MFRP: variants seen among roughly 807,000 people sequenced by gnomAD.
MFRP encodes the protein C1q and TNF related 5.
In MFRP, 74 loss-of-function variants were observed where a neutral mutation model predicts 65.8. The ratio of observed to expected loss-of-function variants is 1.12; its 90% CI spans 0.93 to 1.36. The LOEUF is 1.36. MFRP is among the 40% of genes most tolerant of loss of function. MFRP has a pLI of 0.00. For synonymous variants in MFRP, 336 were observed against 288.3 expected (o/e 1.17, Z -1.68); for missense variants, 838 against 736.0 (o/e 1.14, Z -1.60).
chr11:119,339,471 T>G lies in MFRP; in HGVS notation c.*1488A>C, dbSNP rs2135363894. ...CACACTTGGTCCTCAGGCTCCAGCC[T>G]CACCATGGCCCCCCCCGAGAGCGAG... On this transcript the variant is annotated 3_prime_UTR_variant, in exon 15 of 15. Coordinates refer to ENST00000619721, the MANE Select transcript of MFRP (RefSeq NM_031433.4). This position sits in a 1 kb window ranked among gnomAD's most constrained non-coding sequence, Gnocchi z 5.4. The G allele has an allele frequency of 6.2e-7, 1 of 1,612,746 alleles. No homozygotes were observed. Among genetic ancestry groups the G allele is most frequent in the South Asian group, 1.1e-5 (1 of 90,958 alleles).
Position 119,345,582 on chromosome 11 carries a change from T to C in MFRP, c.479A>G (p.Tyr160Cys). 1 of 1,613,594 alleles carries C rather than the reference T, an allele frequency of 6.2e-7. No homozygotes were observed. Among genetic ancestry groups the C allele is most frequent in the Non-Finnish European group, 8.5e-7 (1 of 1,179,936 alleles). ...GGTGTTGGGGGGGTAAGGGTCTGGG[T>C]AGTTAGGGCTGCTGAAGAAGCCCCT... ...GPRGFFSSPN[Y>C]PDPYPPNTHC... Residue 160 changes from tyrosine to cysteine, a missense_variant, in exon 5 of 15, where the codon TAC (tyrosine) becomes TGC (cysteine). Transcript: ENST00000619721.
In MFRP at chr11:119,346,330, G is replaced by A; in HGVS notation, c.99C>T (p.Pro33=). ...CCTCTGGGAAAACTGGGGGAGGGCA[G>A]GGTGGCCCAGACTCAGGCTCGAAGG... The part of the protein sequence containing the change: ...NPAFEPESGP[P]CPPPVFPEDA... Residue 33 remains proline, a synonymous_variant, in exon 2 of 15, where the codon CCC becomes CCT. Coordinates refer to ENST00000619721, the MANE Select transcript of MFRP (RefSeq NM_031433.4). 6.2e-7 allele frequency: 1 copy of A among 1,614,060 alleles called. No individual in the cohort carries two copies. Among genetic ancestry groups the A allele is most frequent in the Non-Finnish European group, 8.5e-7 (1 of 1,179,998 alleles).
chr11:119,342,534 C>T, intron 11 of MFRP, 62 bp downstream of exon 11: 2 of 1,599,348 alleles, frequency 1.3e-6, no homozygotes, highest in Non-Finnish European at 1.7e-6. Context: ...TGCAGTACGG[C>T]AGTAGGGTTC....
Position 119,342,624 on chromosome 11 carries a change from G to T in MFRP, c.1359C>A (p.Asn453Lys). 6.2e-7 allele frequency: 1 copy of T among 1,613,554 alleles called. No individual in the cohort carries two copies. The highest frequency in any genetic ancestry group is 8.5e-7 in the Non-Finnish European group (1 of 1,179,922). ...GGGGTGGGAACAAGGGGCCGCTGCA[G>T]TTGTCATCGCTGCCATCGGTGCAGT... is the stretch of plus-strand genomic sequence containing the variant. Reference protein sequence around the residue: ...WRDCTDGSDDNCSGPLFPPPE... With the variant: ...WRDCTDGSDDKCSGPLFPPPE... Residue 453 changes from asparagine to lysine, a missense_variant, in exon 11 of 15, where the codon AAC becomes AAA. Transcript: ENST00000619721.
chr11:119,341,231 A>T lies in MFRP; in HGVS notation c.*317T>A. On this transcript the variant is annotated 3_prime_UTR_variant, in exon 13 of 15. Transcript: ENST00000619721. ...GTACATTTTTGTTGAATCAAGGAAAAGGTCAGAAGGCAGGCGATGGAGAAG... is the reference window on the plus strand; with the variant it reads ...GTACATTTTTGTTGAATCAAGGAAATGGTCAGAAGGCAGGCGATGGAGAAG... 2.4e-6 allele frequency: 1 copy of T among 411,572 alleles called. No homozygotes were observed. The highest frequency in any genetic ancestry group is 4.5e-6 in the Non-Finnish European group (1 of 223,484). 25.5% of individuals were successfully genotyped at this position (411,572 alleles called of 1,614,324 possible).
At chr11:119,342,793 C>T in intron 10 of MFRP, 66 bp from the exon 11 acceptor site, 1 of 1,613,064 alleles carries the variant, frequency 6.2e-7, no homozygotes, top group Non-Finnish European at 8.5e-7. Context: ...CCCAGAGTGT[C>T]CTGACCAGGG....
chr11:119,342,099 G>T, intron 11 of MFRP, 115 bp from the exon 12 acceptor site: 1 of 1,204,582 alleles, frequency 8.3e-7, no homozygotes, highest in Non-Finnish European at 1.2e-6. Flanking sequence ...GGGTGGTTGT[G>T]AGGAAGCAAG....
intron 11 of MFRP, among the ~76,000 whole-genome samples, 200 bp downstream of exon 11, chr11:119,342,396 T>G (rs1950510969): frequency 6.6e-6 from 1 of 152,158 alleles, no homozygotes; most frequent in Non-Finnish European, 1.5e-5. Context: ...CCATTTCCCT[T>G]GGGGTGACAC....
chr11:119,340,395 C>T lies in MFRP; in HGVS notation c.*899G>A. 6.5e-7 allele frequency: 1 copy of T among 1,545,120 alleles called. No homozygotes were observed. The highest frequency in any genetic ancestry group is 8.7e-7 in the Non-Finnish European group (1 of 1,146,202). ...GGAGCAGCAGGACGAGGAGTGGCCTCATAGCGCTGGCACCGGGAGCCCGGA... is the reference window on the plus strand; with the variant it reads ...GGAGCAGCAGGACGAGGAGTGGCCTTATAGCGCTGGCACCGGGAGCCCGGA... On this transcript the variant is annotated 3_prime_UTR_variant, in exon 14 of 15. Transcript: ENST00000619721.
At position 119,344,725 on chromosome 11, in the gene MFRP, G is replaced by A. The variant is rs746666402; in HGVS notation, c.805C>T (p.Gln269Ter). 5.0e-6 allele frequency: 8 copies of A among 1,613,888 alleles called. No individual in the cohort carries two copies. In the South Asian group the frequency reaches 7.7e-5, roughly 16 times the overall value. ...SCAHDEFRCD[Q>*]LICLLPDSVC... is the part of the protein sequence containing the mutation. Reference sequence around the variant, plus strand: ...GAGTCAGGTAGCAGGCAGATGAGCTGGTCACAGCGGAACTCATCATGGGCA... The same window carrying A: ...GAGTCAGGTAGCAGGCAGATGAGCTAGTCACAGCGGAACTCATCATGGGCA... Residue 269 changes from glutamine to a stop codon, truncating the protein, a stop_gained, in exon 7 of 15, where the codon CAG becomes TAG. Coordinates refer to ENST00000619721, the MANE Select transcript of MFRP (RefSeq NM_031433.4). LOFTEE classifies it high-confidence loss of function.
intron 9 of MFRP, 141 bp from the exon 10 acceptor site, chr11:119,343,144 G>C: frequency 9.6e-7 from 1 of 1,039,238 alleles, no homozygotes; most frequent in Non-Finnish European, 1.4e-6. Context: ...GGTCTGGCGA[G>C]AAAGACACAT....
chr11:119,344,464 C>G, intron 7 of MFRP, 73 bp from the exon 8 acceptor site: 2 of 1,558,454 alleles, frequency 1.3e-6, no homozygotes, highest in Non-Finnish European at 1.8e-6. Context: ...GCGGTGATTA[C>G]AGAGCGAGAG....
At position 119,340,322 on chromosome 11, in the gene MFRP, TG is replaced by T; in HGVS notation, c.*971del. On this transcript the variant is annotated 3_prime_UTR_variant, in exon 14 of 15. Transcript: ENST00000619721. ...AGGCCGGGGTGCCCCGGGCAGAGGCTGGGGATCTTGTTGTCGTCCAGTGGGG... is the reference window on the plus strand; with the variant it reads ...AGGCCGGGGTGCCCCGGGCAGAGGCTGGGATCTTGTTGTCGTCCAGTGGGG... The T allele has an allele frequency of 6.5e-7, 1 of 1,542,662 alleles. No individual in the cohort carries two copies.
Position 119,340,847 on chromosome 11 carries a change from T to G in MFRP, c.*701A>C. ...TGGTTCGCTCCCTGCCGGCTCCGCT[T>G]TCCTCCTCCCAGACTCCAAGAGGAA... On this transcript the variant is annotated 3_prime_UTR_variant, in exon 13 of 15. Coordinates refer to ENST00000619721, the MANE Select transcript of MFRP (RefSeq NM_031433.4). 1 of 187,544 alleles carries G rather than the reference T, an allele frequency of 5.3e-6. No individual in the cohort carries two copies. The highest frequency in any genetic ancestry group is 1.1e-5 in the Non-Finnish European group (1 of 91,548). 11.6% of individuals were successfully genotyped at this position (187,544 alleles called of 1,614,324 possible).
intron 13 of MFRP, 25 bp from the exon 14 acceptor site, chr11:119,340,465 C>A: frequency 1.3e-6 from 2 of 1,485,734 alleles, no homozygotes; most frequent in South Asian, 1.2e-5. Context: ...GGACTGGAGT[C>A]GGGACCCAGA....
chr11:119,345,063 A>G, intron 5 of MFRP, 59 bp from the exon 6 acceptor site: 1 of 1,573,158 alleles, frequency 6.4e-7, no homozygotes, highest in Non-Finnish European at 8.6e-7. Context: ...GCCAGAGAGG[A>G]GCTTGCCTGG....
In MFRP at chr11:119,344,647, T is replaced by G. The variant is rs1565294736; in HGVS notation, c.883A>C (p.Ser295Arg). The G allele has an allele frequency of 6.2e-7, 1 of 1,613,884 alleles. No homozygotes were observed. Among genetic ancestry groups the G allele is most frequent in the Admixed American group, 1.7e-5 (1 of 59,994 alleles). ...CADGSDETNC[S>R]AKFSGCGGNL... ...TGGCCCGTACCCGAGAACTTGGCAC[T>G]GCAATTGGTCTCATCACTGCCGTCA... is the stretch of plus-strand genomic sequence containing the variant. Residue 295 changes from serine to arginine, a missense_variant, in exon 7 of 15, where the codon AGT (serine) becomes CGT (arginine). By Grantham distance (110) the Ser-to-Arg change is moderately radical (BLOSUM62 -1). Coordinates refer to ENST00000619721, the MANE Select transcript of MFRP (RefSeq NM_031433.4).
chr11:119,340,675 C>T lies in MFRP; in HGVS notation c.*853+20G>A. 1 of 480,238 alleles carries T rather than the reference C, an allele frequency of 2.1e-6. No individual in the cohort carries two copies. Among genetic ancestry groups the T allele is most frequent in the South Asian group, 2.5e-5 (1 of 40,022 alleles). 29.7% of individuals were successfully genotyped at this position (480,238 alleles called of 1,614,324 possible). A position where few individuals can be genotyped will look rare whatever the true frequency, so the allele number is the denominator to read the frequency against. On this transcript the variant is annotated intron_variant, in intron 13 of 14. Transcript: ENST00000619721. ...CACAGTCCCCTCCCCAGCCCCTTTC[C>T]CCTCCTCCGCCAGACTCACCCCCCC...
At position 119,346,532 on chromosome 11, in the gene MFRP, G is replaced by C. The variant is rs1425966865; in HGVS notation, c.-19C>G. The C allele has an allele frequency of 6.2e-7, 1 of 1,613,584 alleles. No homozygotes were observed. Among genetic ancestry groups the C allele is most frequent in the South Asian group, 1.1e-5 (1 of 91,048 alleles). Reference sequence around the variant, plus strand: ...CCTTCATGGCACAAGGCTCTGCATGGCTTTCTGGAGTCCCTGTGACAGCCC... The same window carrying C: ...CCTTCATGGCACAAGGCTCTGCATGCCTTTCTGGAGTCCCTGTGACAGCCC... On this transcript the variant is annotated 5_prime_UTR_variant, in exon 1 of 15. Coordinates refer to ENST00000619721, the MANE Select transcript of MFRP (RefSeq NM_031433.4).
Sources: gnomAD v4.1 joint callset for allele counts (sites outside exome capture counted in the v4.1 genomes callset) on GRCh38, gnomAD v4.1.1 for gene constraint, Gnocchi (gnomAD v3.1) non-coding constraint, MANE v1.5 for transcripts, NCBI Gene and HGNC (gene_info 2026-07-23, HGNC 2026-07-21) for gene names.